The following LRP8 variants were observed in gnomAD, a reference collection of about 807,000 sequenced individuals.
LRP8 encodes LDL receptor related protein 8.
LRP8 carries 46 observed loss-of-function variants against 111.6 expected under a neutral mutation model. The ratio of observed to expected loss-of-function variants is 0.41; its 90% confidence interval spans 0.33 to 0.53. The LOEUF (loss-of-function observed/expected upper bound fraction) is 0.53. LRP8 is among the 20% of genes least tolerant of loss of function. LRP8 has a pLI of 0.20. For synonymous variants in LRP8, 464 were observed against 511.2 expected (o/e 0.91, Z 1.24); for missense variants, 959 against 1,297.4 (o/e 0.74, Z 4.01).
At chr1:53,318,446 A>C (rs549405139) in intron 2 of LRP8, among the ~76,000 whole-genome samples, 5 of 152,014 alleles carry the variant, frequency 3.3e-5, no homozygotes, top group Non-Finnish European at 5.9e-5. Context: ...AGAGGGAGAG[A>C]GTTGTGAGAT....
At chr1:53,248,385 G>A (rs1356888246) in intron 18 of LRP8, among the ~76,000 whole-genome samples, 2 of 152,168 alleles carry the variant, frequency 1.3e-5, no homozygotes, top group African/African-American at 4.8e-5. Flanking sequence ...AGTAGTGATG[G>A]TACAGTTATC....
chr1:53,289,648 C>T lies in LRP8; in HGVS notation c.286G>A (p.Gly96Ser), dbSNP rs774965894. Residue 96 changes from glycine to serine, a missense_variant, in exon 3 of 19, where the codon GGC becomes AGC. Gly to Ser is a moderately conservative substitution (Grantham distance 56). This residue lies in a region of LRP8 where 43 missense variants were observed against 92.4 expected (regional missense o/e 0.47). Coordinates refer to ENST00000306052, the MANE Select transcript of LRP8 (RefSeq NM_004631.5). Reference protein sequence around the residue: ...CADSDFTCDNGHCIHERWKCD... With the variant: ...CADSDFTCDNSHCIHERWKCD... ...TTCCACCGTTCGTGGATGCAGTGGCCGTTGTCACAGGTGAAGTCACTGTCT... is the reference window on the plus strand; with the variant it reads ...TTCCACCGTTCGTGGATGCAGTGGCTGTTGTCACAGGTGAAGTCACTGTCT... The T allele has an allele frequency of 1.9e-6, 3 of 1,613,716 alleles. No homozygotes were observed. Among genetic ancestry groups the T allele is most frequent in the African/African-American group, 1.3e-5 (1 of 74,892 alleles).
At chr1:53,327,640 T>C in intron 1 of LRP8, 149 bp downstream of exon 1, 3 of 1,240,214 alleles carry the variant, frequency 2.4e-6, no homozygotes, top group Non-Finnish European at 3.1e-6. Context: ...CGAGGGCAAA[T>C]TCAGGAATAG....
chr1:53,258,271 T>G (rs1401369770), intron 14 of LRP8, 48 bp downstream of exon 14: 1 of 1,576,710 alleles, frequency 6.3e-7, no homozygotes, highest in Non-Finnish European at 8.6e-7. Context: ...TTCAGCAGGG[T>G]AGGGTCTGAC....
intron 18 of LRP8, 94 bp from the exon 19 acceptor site, chr1:53,247,150 G>A: frequency 1.1e-6 from 1 of 897,470 alleles, no homozygotes; most frequent in Non-Finnish European, 1.7e-6. Context: ...ACTTTAACAG[G>A]TATTAGCTCA....
chr1:53,254,922 C>T (rs1646026334), intron 16 of LRP8, among the ~76,000 whole-genome samples, 195 bp downstream of exon 16: 1 of 152,026 alleles, frequency 6.6e-6, no homozygotes, highest in Non-Finnish European at 1.5e-5. Context: ...TGGAAGGTCA[C>T]CTGGGGCCAG....
intron 9 of LRP8, among the ~76,000 whole-genome samples, chr1:53,264,920 G>A (rs1646495058): frequency 6.6e-6 from 1 of 152,138 alleles, no homozygotes; most frequent in African/African-American, 2.4e-5. Flanking sequence ...CCATCTTGAT[G>A]GGCTTTGAGT....
intron 8 of LRP8, chr1:53,268,014 G>A (rs1646638489): frequency 6.6e-6 from 1 of 152,436 alleles, no homozygotes; most frequent in Admixed American, 6.5e-5. Context: ...CACAGAGTCA[G>A]GTAGGGCCTG....
rs1484396160 is a variant in LRP8, at chr1:53,289,398, A to G, written c.367+169T>C. On this transcript the variant is annotated intron_variant, in intron 3 of 18. Transcript: ENST00000306052. Reference sequence around the variant, plus strand: ...AGAGGGCTGTGAAGAAAGTCCAGAAACAGGTCAGTAGAAACCAGCAACTAA... The same window carrying G: ...AGAGGGCTGTGAAGAAAGTCCAGAAGCAGGTCAGTAGAAACCAGCAACTAA... 4.4e-6 allele frequency: 4 copies of G among 903,768 alleles called. No individual in the cohort carries two copies. In the African/African-American group the frequency reaches 6.7e-5, roughly 15 times the overall value. The allele number at this position is 903,768 out of a possible 1,614,324, so 56.0% of individuals were successfully genotyped here. A position where few individuals can be genotyped will look rare whatever the true frequency, so the allele number is the denominator to read the frequency against.
Position 53,250,859 on chromosome 1 carries a change from A to G in LRP8, c.2507T>C (p.Val836Ala), listed in dbSNP as rs1645873943. The G allele has an allele frequency of 6.2e-7, 1 of 1,614,042 alleles. No individual in the cohort carries two copies. The highest frequency in any genetic ancestry group is 8.5e-7 in the Non-Finnish European group (1 of 1,179,972). The change falls in exon 17 of 19, where the codon GTG (valine) becomes GCG (alanine). Residue 836 changes from valine (V) to alanine (A), a missense_variant. Physicochemically the swap from Val to Ala is moderately conservative, Grantham distance 64 (BLOSUM62 0). Around this residue, in one of 3 missense-constraint regions of LRP8, gnomAD observed 819 missense variants for 1,097.6 expected, o/e 0.75. Transcript: ENST00000306052. This position sits in a 1 kb window ranked among gnomAD's most constrained non-coding sequence, Gnocchi z 4.6. The part of the protein sequence containing the change: ...AVIGIIVPIV[V>A]IALLCMSGYL... ...TCCACTCATGCACAGGAGGGCTATC[A>G]CCACTGGAGGAAGGACACAGGACAC...
chr1:53,256,384 A>G (rs1646088864), intron 15 of LRP8, among the ~76,000 whole-genome samples: 1 of 152,266 alleles, frequency 6.6e-6, no homozygotes, highest in Non-Finnish European at 1.5e-5. Context: ...AACCTAGAGC[A>G]TGAGGAAGCC....
chr1:53,253,556 A>G (rs1645968827), intron 16 of LRP8, among the ~76,000 whole-genome samples: 1 of 152,230 alleles, frequency 6.6e-6, no homozygotes, highest in African/African-American at 2.4e-5. Flanking sequence ...TCCTCAGATT[A>G]GCAGAAATTA....
intron 2 of LRP8, among the ~76,000 whole-genome samples, chr1:53,305,598 G>A (rs537253531): frequency 6.6e-6 from 1 of 152,202 alleles, no homozygotes; most frequent in Non-Finnish European, 1.5e-5. Flanking sequence ...GGCAGCCAGC[G>A]GGGCTCACAG....
chr1:53,306,116 C>T (rs569348667), intron 2 of LRP8: 1 of 152,404 alleles, frequency 6.6e-6, no homozygotes, highest in South Asian at 2.1e-4. Context: ...TGGCACTCAA[C>T]CATCTTTCTC....
intron 5 of LRP8, among the ~76,000 whole-genome samples, chr1:53,276,060 G>T (rs1017856914): frequency 1.3e-5 from 2 of 152,102 alleles, no homozygotes; most frequent in African/African-American, 2.4e-5. Context: ...ACAGACACAC[G>T]GCCTTCTTTT....
chr1:53,314,300 C>T (rs1653507574), intron 2 of LRP8, among the ~76,000 whole-genome samples: 1 of 152,254 alleles, frequency 6.6e-6, no homozygotes. Context: ...TTCTCAAAGC[C>T]CTGGGAGGCA....
In LRP8 at chr1:53,249,504, G is replaced by C. The variant is rs1363135296; in HGVS notation, c.2729C>G (p.Thr910Ser). The C allele has an allele frequency of 3.1e-6, 5 of 1,613,010 alleles. No homozygotes were observed. Among genetic ancestry groups the C allele is most frequent in the Non-Finnish European group, 3.4e-6 (4 of 1,179,110 alleles). ...AGGGGCTGGGTCTTCCGGTTCTCTG[G>C]TCTCCCCAAGACAGGGCTCTGCCCA... ...PLWAEPCLGE[T>S]REPEDPAPAL... The change falls in exon 18 of 19, where the codon ACC (threonine) becomes AGC (serine). Residue 910 changes from threonine to serine, a missense_variant. Physicochemically the swap from Thr to Ser is moderately conservative, Grantham distance 58. Around this residue, in one of 3 missense-constraint regions of LRP8, gnomAD observed 819 missense variants for 1,097.6 expected, o/e 0.75. Coordinates refer to ENST00000306052, the MANE Select transcript of LRP8 (RefSeq NM_004631.5). The surrounding 1 kb of genome is among the most constrained non-coding windows in gnomAD (Gnocchi z 4.1).
rs779546831 is a variant in LRP8 at position 53,266,450 on chromosome 1, C to A, written c.1427+23G>T. ...CCTCACCCCCACTCTTCATGCCTTG[C>A]TGCAGAGGATATGGCCGCTCACCTA... On this transcript the variant is annotated intron_variant, in intron 9 of 18. Coordinates refer to ENST00000306052, the MANE Select transcript of LRP8 (RefSeq NM_004631.5). This position sits in a 1 kb window ranked among gnomAD's most constrained non-coding sequence, Gnocchi z 5.0. 3 of 1,610,628 alleles carry A rather than the reference C, an allele frequency of 1.9e-6. 1 individual carries two copies.
chr1:53,263,496 G>T (rs111492726), intron 10 of LRP8, among the ~76,000 whole-genome samples: 2,797 of 152,310 alleles, frequency 0.018, 90 homozygotes, highest in African/African-American at 0.062. Flanking sequence ...CACTGAGGGA[G>T]AGAGGGAGTC....
Sources: gnomAD v4.1 joint callset for allele counts (sites outside exome capture counted in the v4.1 genomes callset) on GRCh38, gnomAD v4.1.1 for gene constraint, gnomAD v4.1.1 regional missense constraint, Gnocchi (gnomAD v3.1) non-coding constraint, MANE v1.5 for transcripts, NCBI Gene and HGNC (gene_info 2026-07-23, HGNC 2026-07-21) for gene names.